Variants in CENPP observed in about 807,000 individuals in gnomAD.
CENPP encodes centromere protein P.
A neutral mutation model predicts 35.6 loss-of-function variants in CENPP; 24 were observed. The ratio of observed to expected loss-of-function variants is 0.67; its 90% CI spans 0.49 to 0.95. The LOEUF (loss-of-function observed/expected upper bound fraction) is 0.95, where lower values mean the gene tolerates loss of function less well. Among genes scored for constraint, CENPP ranks in the 40% least tolerant of loss-of-function variants. The pLI, the probability that CENPP is intolerant of heterozygous loss-of-function variation, is 0.00. For missense variants in CENPP, 332 were observed against 345.3 expected (o/e 0.96, Z 0.31); for synonymous variants, 120 against 125.5 (o/e 0.96, Z 0.29).
intron 5 of CENPP, among the ~76,000 whole-genome samples, chr9:92,543,436 C>T (rs1849358453): frequency 7.4e-6 from 1 of 135,290 alleles, no homozygotes; most frequent in South Asian, 2.4e-4. Context: ...CTCACCACTG[C>T]TCTCCAGCCT....
At chr9:92,474,909 G>A in intron 5 of CENPP, 2 of 1,603,810 alleles carry the variant, frequency 1.2e-6, no homozygotes, top group African/African-American at 1.3e-5. Flanking sequence ...GTGTCTTAGT[G>A]TAGAAGACCA....
At chr9:92,437,016 A>G (rs1480117157) in intron 5 of CENPP, among the ~76,000 whole-genome samples, 1 of 152,132 alleles carries the variant, frequency 6.6e-6, no homozygotes, top group African/African-American at 2.4e-5. Context: ...CCTGGCCAAC[A>G]TGATGAAACC....
chr9:92,553,387 G>A (rs1338802102), intron 5 of CENPP, among the ~76,000 whole-genome samples: 4 of 152,002 alleles, frequency 2.6e-5, no homozygotes, highest in Admixed American at 6.6e-5. Flanking sequence ...TTGGCTATGC[G>A]GGCTCTTTTT....
intron 1 of CENPP, among the ~76,000 whole-genome samples, chr9:92,328,253 G>A (rs1186004723): frequency 2.0e-5 from 3 of 152,174 alleles, no homozygotes; most frequent in African/African-American, 7.2e-5. Flanking sequence ...GGATTTAACC[G>A]TGAGGTTTCT....
chr9:92,335,031 C>T (rs1278586888), intron 2 of CENPP, among the ~76,000 whole-genome samples: 1 of 151,870 alleles, frequency 6.6e-6, no homozygotes, highest in African/African-American at 2.4e-5. Context: ...ACCAAAAACA[C>T]AAAAATTAGC....
chr9:92,504,058 A>C (rs544203187), intron 5 of CENPP, among the ~76,000 whole-genome samples: 219 of 152,366 alleles, frequency 1.4e-3, no homozygotes, highest in African/African-American at 4.8e-3. Flanking sequence ...GCTCAGGCTC[A>C]CAGTGGGGCA....
chr9:92,508,010 G>C (rs1274818085), intron 5 of CENPP, among the ~76,000 whole-genome samples: 1 of 152,156 alleles, frequency 6.6e-6, no homozygotes, highest in Admixed American at 6.5e-5. Context: ...TCCCTGGAGT[G>C]CCCTCCTTCC....
Position 92,386,432 on chromosome 9 carries a change from CA to C in CENPP, c.564+6575del, listed in dbSNP as rs1481384078. 3 of 594,568 alleles carry C rather than the reference CA, an allele frequency of 5.0e-6. No homozygotes were observed. In the Admixed American group the frequency reaches 8.8e-5, roughly 17 times the overall value. The allele number at this position is 594,568 out of a possible 1,614,324, so 36.8% of individuals were successfully genotyped here. A position where few individuals can be genotyped will look rare whatever the true frequency, so the allele number is the denominator to read the frequency against. Reference sequence around the variant, plus strand: ...ATTGATATGAATACATCAATTATATCAATTGTTCGTATGGTAGTTTCTTGTT... The same window carrying C: ...ATTGATATGAATACATCAATTATATCATTGTTCGTATGGTAGTTTCTTGTT... On this transcript the variant is annotated intron_variant, in intron 5 of 7. Coordinates refer to ENST00000375587, the MANE Select transcript of CENPP (RefSeq NM_001012267.3).
At chr9:92,598,687 C>T (rs1254601375) in intron 5 of CENPP, among the ~76,000 whole-genome samples, 6 of 150,050 alleles carry the variant, frequency 4.0e-5, no homozygotes, top group African/African-American at 1.5e-4. Flanking sequence ...GCAAAGATTA[C>T]AAAGATTACA....
intron 5 of CENPP, among the ~76,000 whole-genome samples, chr9:92,381,285 CTTTT>C (rs200993869): frequency 3.7e-5 from 5 of 136,476 alleles, no homozygotes; most frequent in Admixed American, 7.2e-5. Flanking sequence ...GATTTCTTTT[CTTTT>C]TTTTTTTTTT....
chr9:92,519,643 A>G (rs1488537226), intron 5 of CENPP, among the ~76,000 whole-genome samples: 1 of 152,188 alleles, frequency 6.6e-6, no homozygotes, highest in Non-Finnish European at 1.5e-5. Flanking sequence ...AAATACAAAC[A>G]TTAGCTCAAA....
intron 5 of CENPP, chr9:92,600,429 G>A (rs770626735): frequency 6.2e-7 from 1 of 1,612,580 alleles, no homozygotes; most frequent in South Asian, 1.1e-5. Context: ...TTCTTCCCAA[G>A]TCTGTACAAA....
intron 5 of CENPP, chr9:92,474,799 A>C (rs1025635648): frequency 6.2e-7 from 1 of 1,609,676 alleles, no homozygotes; most frequent in African/African-American, 1.3e-5. Context: ...TGTCTTCCAT[A>C]TCCTTCAGCA....
Position 92,502,956 on chromosome 9 carries a change from C to T in CENPP, c.565-108358C>T, listed in dbSNP as rs574517805. Among the ~76,000 whole-genome samples the T allele has an allele frequency of 2.0e-3, 304 of 151,822 alleles. 7 individuals are homozygous for T. Among genetic ancestry groups the T allele is most frequent in the Non-Finnish European group, 1.2e-3 (82 of 67,910 alleles). ...ACAAGTGACTGAGACTACAGGTATG[C>T]GCCATGAAGCCTGGCTAATTTTTGT... On this transcript the variant is annotated intron_variant, in intron 5 of 7. Transcript: ENST00000375587.
Position 92,412,393 on chromosome 9 carries a change from A to G in CENPP, c.564+32534A>G, listed in dbSNP as rs549985781. On this transcript the variant is annotated intron_variant, in intron 5 of 7. Transcript: ENST00000375587. ...TGAGCCACTGCACCCAGCCTAAAGTATACAATTTAATAGTACTTAGTGTTT... is the reference window on the plus strand; with the variant it reads ...TGAGCCACTGCACCCAGCCTAAAGTGTACAATTTAATAGTACTTAGTGTTT... Among the ~76,000 whole-genome samples, 5 of 152,322 alleles carry G rather than the reference A, an allele frequency of 3.3e-5. No homozygotes were observed. In the South Asian group the frequency reaches 1.0e-3, roughly 32 times the overall value.
chr9:92,605,233 C>T (rs2131391922), intron 5 of CENPP, among the ~76,000 whole-genome samples: 1 of 152,360 alleles, frequency 6.6e-6, no homozygotes, highest in African/African-American at 2.4e-5. Context: ...AAGTGATCCA[C>T]CTGCCTTGGC....
chr9:92,459,788 T>G (rs776219974), intron 5 of CENPP: 1 of 1,611,734 alleles, frequency 6.2e-7, no homozygotes, highest in East Asian at 2.2e-5. Flanking sequence ...TGATATAAAA[T>G]GCATCAAGTC....
Position 92,332,371 on chromosome 9 carries a change from C to G in CENPP, c.289+20C>G. 6.6e-7 allele frequency: 1 copy of G among 1,516,062 alleles called. No individual in the cohort carries two copies. Among genetic ancestry groups the G allele is most frequent in the Non-Finnish European group, 8.9e-7 (1 of 1,124,714 alleles). The allele number at this position is 1,516,062 out of a possible 1,614,324, so 93.9% of individuals were successfully genotyped here. A position where few individuals can be genotyped will look rare whatever the true frequency, so the allele number is the denominator to read the frequency against. Reference sequence around the variant, plus strand: ...AAAAGAGTAAGCATTTTTTTTAAATCTAGACATAGTATGGAAGCTTACCTT... The same window carrying G: ...AAAAGAGTAAGCATTTTTTTTAAATGTAGACATAGTATGGAAGCTTACCTT... On this transcript the variant is annotated intron_variant, in intron 2 of 7. Coordinates refer to ENST00000375587, the MANE Select transcript of CENPP (RefSeq NM_001012267.3).
intron 5 of CENPP, among the ~76,000 whole-genome samples, chr9:92,407,040 G>T (rs148961736): frequency 2.6e-5 from 4 of 152,110 alleles, no homozygotes; most frequent in Admixed American, 6.6e-5. Flanking sequence ...TCAGCCAAAG[G>T]GGGAGATGCG....
Sources: allele counts gnomAD v4.1 joint callset (sites outside exome capture counted in the v4.1 genomes callset), GRCh38; gene constraint gnomAD v4.1.1; transcripts MANE v1.5; gene names NCBI Gene and HGNC (gene_info 2026-07-23, HGNC 2026-07-21).